The following UNC5D variants were observed in gnomAD, a reference collection of about 807,000 sequenced individuals.
UNC5D encodes netrin receptor UNC5D.
Under a neutral mutation model 105.4 loss-of-function variants are expected in UNC5D, and 39 were observed. The ratio of observed to expected loss-of-function variants is 0.37; its 90% confidence interval spans 0.29 to 0.48. The LOEUF (loss-of-function observed/expected upper bound fraction) is 0.48. Ranked by LOEUF, UNC5D falls within the 20% of genes least tolerant of loss-of-function variation. The pLI is 0.98. For missense variants in UNC5D, 991 were observed against 1,202.4 expected, an observed-to-expected ratio of 0.82 and a Z score of 2.60; for synonymous variants, 452 against 450.4, an observed-to-expected ratio of 1.00 and a Z score of -0.04.
intron 8 of UNC5D, among the ~76,000 whole-genome samples, chr8:35,706,565 C>G (rs747280742): frequency 1.3e-5 from 2 of 152,102 alleles, no homozygotes; most frequent in African/African-American, 2.4e-5. Flanking sequence ...ACCTTATGCT[C>G]TTTAGTATCA....
intron 1 of UNC5D, among the ~76,000 whole-genome samples, chr8:35,507,049 CTTTTTTT>C (rs71215631): frequency 1.0e-4 from 8 of 76,192 alleles, no homozygotes; most frequent in Non-Finnish European, 1.9e-4. Context: ...CAGGGCTTTT[CTTTTTTT>C]TTTTTTTTTT....
chr8:35,782,510 T>TC (rs1802550164), intron 16 of UNC5D, among the ~76,000 whole-genome samples: 1 of 151,168 alleles, frequency 6.6e-6, no homozygotes, highest in South Asian at 2.1e-4. Context: ...AAATTTTTTT[T>TC]TTTTTTTTTT....
chr8:35,589,204 A>G (rs1374494685), intron 3 of UNC5D, among the ~76,000 whole-genome samples: 2 of 152,254 alleles, frequency 1.3e-5, no homozygotes, highest in Admixed American at 1.3e-4. Context: ...ACTCTATTTT[A>G]TTTAGCACTT....
chr8:35,429,919 C>G (rs945022892), intron 1 of UNC5D, among the ~76,000 whole-genome samples: 1 of 152,250 alleles, frequency 6.6e-6, no homozygotes, highest in Admixed American at 6.5e-5. Flanking sequence ...AACTATATTT[C>G]TTTCTGTATC....
chr8:35,679,188 T>C (rs1825486109), intron 4 of UNC5D, among the ~76,000 whole-genome samples: 2 of 152,158 alleles, frequency 1.3e-5, no homozygotes, highest in Admixed American at 1.3e-4. Context: ...AGGTCAAGGC[T>C]GTAGTGAGCT....
intron 1 of UNC5D, among the ~76,000 whole-genome samples, chr8:35,248,806 A>G (rs1402318503): frequency 1.0e-5 from 1 of 97,282 alleles, no homozygotes; most frequent in Non-Finnish European, 1.8e-5. Flanking sequence ...TAAAAATATA[A>G]TATATAATAT....
rs1358303061 is a variant in UNC5D at position 35,248,831 on chromosome 8, T to G, written c.103+12944T>G. Among the ~76,000 whole-genome samples, 54 of 96,602 alleles carry G rather than the reference T, an allele frequency of 5.6e-4. 1 individual carries two copies. Among genetic ancestry groups the G allele is most frequent in the African/African-American group, 2.2e-3 (52 of 23,420 alleles). 63.4% of individuals were successfully genotyped at this position (96,602 alleles called of 152,430 possible). On this transcript the variant is annotated intron_variant, in intron 1 of 16. Transcript: ENST00000404895. ...ATATATAATATATATAATATTTATA[T>G]TTTAAAAATATATTTTATATATAAT...
intron 2 of UNC5D, 93 bp from the exon 3 acceptor site, chr8:35,568,005 T>C (rs1817471167): frequency 6.5e-7 from 1 of 1,526,820 alleles, no homozygotes. Context: ...CAGGATTGTT[T>C]AATTAAAAAG....
At chr8:35,655,961 A>G (rs1196424191) in intron 4 of UNC5D, among the ~76,000 whole-genome samples, 1 of 152,234 alleles carries the variant, frequency 6.6e-6, no homozygotes, top group Non-Finnish European at 1.5e-5. Context: ...CATGGGAATA[A>G]TACTCAACTT....
At chr8:35,256,969 T>A (rs563599139) in intron 1 of UNC5D, among the ~76,000 whole-genome samples, 1 of 149,428 alleles carries the variant, frequency 6.7e-6, no homozygotes, top group African/African-American at 2.6e-5. Context: ...GTTTTTTTTT[T>A]TTTTTTGTTT....
At chr8:35,256,899 G>A (rs1440964164) in intron 1 of UNC5D, among the ~76,000 whole-genome samples, 1 of 151,024 alleles carries the variant, frequency 6.6e-6, no homozygotes, top group African/African-American at 2.4e-5. Flanking sequence ...AGTTCCCTGA[G>A]CAAATACATA....
rs1291248865 is a variant in UNC5D at position 35,470,803 on chromosome 8, T to TA, written c.104-78486dup. Among the ~76,000 whole-genome samples, 79 of 33,944 alleles carry TA rather than the reference T, an allele frequency of 2.3e-3. 1 individual carries two copies. Among genetic ancestry groups the TA allele is most frequent in the Middle Eastern group, 0.018 (1 of 56 alleles). The allele number at this position is 33,944 out of a possible 152,430, so 22.3% of individuals were successfully genotyped here. A position where few individuals can be genotyped will look rare whatever the true frequency, so the allele number is the denominator to read the frequency against. On this transcript the variant is annotated intron_variant, in intron 1 of 16. Transcript: ENST00000404895. The stretch of plus-strand genomic sequence containing the variant: ...ATAAATAAATAAATAAATAAATAAA[T>TA]AAATAAATAAAATAAAAAGAATGAG...
chr8:35,789,977 G>T (rs997993918), intron 16 of UNC5D, among the ~76,000 whole-genome samples: 4 of 151,258 alleles, frequency 2.6e-5, no homozygotes, highest in Non-Finnish European at 4.4e-5. Context: ...GGCCAAACAT[G>T]GTGTCTCATA....
At chr8:35,581,430 A>C (rs1454758940) in intron 3 of UNC5D, among the ~76,000 whole-genome samples, 2 of 152,142 alleles carry the variant, frequency 1.3e-5, no homozygotes, top group Non-Finnish European at 2.9e-5. Flanking sequence ...CCCAAAAAGT[A>C]CTTTTTTGGT....
intron 1 of UNC5D, among the ~76,000 whole-genome samples, chr8:35,402,303 A>G (rs1804519706): frequency 2.0e-5 from 3 of 152,180 alleles, no homozygotes; most frequent in African/African-American, 7.2e-5. Flanking sequence ...GAGGCCTCAC[A>G]GTCATGATGG....
intron 1 of UNC5D, among the ~76,000 whole-genome samples, chr8:35,340,893 G>A (rs987610695): frequency 6.6e-6 from 1 of 152,094 alleles, no homozygotes; most frequent in Non-Finnish European, 1.5e-5. Context: ...TCACTTACCT[G>A]AGAGTAAAAT....
intron 1 of UNC5D, among the ~76,000 whole-genome samples, chr8:35,339,380 G>A (rs988445814): frequency 4.6e-5 from 7 of 152,174 alleles, no homozygotes; most frequent in Non-Finnish European, 8.8e-5. Flanking sequence ...TGAACATGGT[G>A]GCATATCCAG....
chr8:35,607,903 G>A (rs1291956953), intron 4 of UNC5D, among the ~76,000 whole-genome samples: 2 of 152,100 alleles, frequency 1.3e-5, no homozygotes, highest in Non-Finnish European at 1.5e-5. Context: ...TTAATACATA[G>A]ATACGTCACT....
chr8:35,616,610 G>A (rs1821041440), intron 4 of UNC5D, among the ~76,000 whole-genome samples: 1 of 152,156 alleles, frequency 6.6e-6, no homozygotes, highest in South Asian at 2.1e-4. Context: ...GGCCTTGATG[G>A]GATGGGAGAG....
Sources: gnomAD v4.1 joint callset for allele counts (sites outside exome capture counted in the v4.1 genomes callset) on GRCh38, gnomAD v4.1.1 for gene constraint, MANE v1.5 for transcripts, NCBI Gene and HGNC (gene_info 2026-07-23, HGNC 2026-07-21) for gene names.